AGPS: variants seen among roughly 807,000 people sequenced by gnomAD.
AGPS encodes the protein alkyldihydroxyacetonephosphate synthase, peroxisomal.
AGPS carries 26 observed loss-of-function variants against 90.7 expected under a neutral mutation model. That is an observed-to-expected ratio of 0.29 (90% CI 0.21 to 0.40). AGPS has a LOEUF of 0.40. Ranked by LOEUF, AGPS falls within the 10% of genes least tolerant of loss-of-function variation. The pLI is 1.00. For missense variants in AGPS, 540 were observed against 816.1 expected, an observed-to-expected ratio of 0.66 and a Z score of 4.12; for synonymous variants, 294 against 285.3, an observed-to-expected ratio of 1.03 and a Z score of -0.31.
intron 8 of AGPS, among the ~76,000 whole-genome samples, chr2:177,454,675 G>T (rs1687057823): frequency 6.6e-6 from 1 of 151,794 alleles, no homozygotes; most frequent in Non-Finnish European, 1.5e-5. Flanking sequence ...GAATTTCGAT[G>T]TTTTTCAGTT....
rs933696058 is a variant in AGPS, at chr2:177,509,521, C to T, written c.1607+1490C>T. Among the ~76,000 whole-genome samples the T allele has an allele frequency of 7.9e-5, 12 of 151,928 alleles. 1 individual carries two copies. Among genetic ancestry groups the T allele is most frequent in the African/African-American group, 2.9e-4 (12 of 41,370 alleles). ...CTCTACTGAAAATACAAAAAATTAG[C>T]TGGGCCTGGTGGCGGGCGTCTGTAG... On this transcript the variant is annotated intron_variant, in intron 16 of 19. Transcript: ENST00000264167.
chr2:177,398,711 A>G (rs1359205858), intron 1 of AGPS, among the ~76,000 whole-genome samples: 1 of 152,252 alleles, frequency 6.6e-6, no homozygotes, highest in Non-Finnish European at 1.5e-5. Context: ...TGTACTTAAT[A>G]AATTATAAAA....
intron 1 of AGPS, among the ~76,000 whole-genome samples, chr2:177,410,949 A>G (rs910597423): frequency 3.9e-5 from 6 of 152,168 alleles, no homozygotes; most frequent in Admixed American, 6.5e-5. Context: ...TATTCGGACA[A>G]TCTTTTTTAA....
At chr2:177,471,435 C>T (rs1054392091) in intron 10 of AGPS, among the ~76,000 whole-genome samples, 2 of 152,032 alleles carry the variant, frequency 1.3e-5, no homozygotes, top group African/African-American at 4.8e-5. Context: ...AAGTAGCTTT[C>T]TCCTATTTTA....
At chr2:177,520,749 A>G (rs1689162764) in intron 17 of AGPS, among the ~76,000 whole-genome samples, 1 of 152,236 alleles carries the variant, frequency 6.6e-6, no homozygotes, top group Non-Finnish European at 1.5e-5. Flanking sequence ...TTTATTGTCA[A>G]GATATGTATG....
chr2:177,432,193 T>C (rs183050734), intron 2 of AGPS, among the ~76,000 whole-genome samples: 3 of 152,364 alleles, frequency 2.0e-5, no homozygotes, highest in Non-Finnish European at 2.9e-5. Context: ...AATGATTTCA[T>C]TGGCCTTGAA....
chr2:177,532,018 A>G (rs1574037865), intron 19 of AGPS, among the ~76,000 whole-genome samples: 1 of 152,342 alleles, frequency 6.6e-6, no homozygotes. Flanking sequence ...ACAAAACTAT[A>G]AAACCTTTAG....
At chr2:177,521,188 C>G in intron 17 of AGPS, 81 bp from the exon 18 acceptor site, 1 of 1,151,068 alleles carries the variant, frequency 8.7e-7, no homozygotes, top group East Asian at 2.3e-5. Context: ...TCATTTGGGT[C>G]GTCTTGACTT....
At chr2:177,484,200 A>G (rs1250871529) in intron 11 of AGPS, among the ~76,000 whole-genome samples, 1 of 152,108 alleles carries the variant, frequency 6.6e-6, no homozygotes, top group Non-Finnish European at 1.5e-5. Context: ...TGAACATCCT[A>G]AGAATTTTTT....
Position 177,539,526 on chromosome 2 carries a change from A to C in AGPS, c.*1331A>C, listed in dbSNP as rs947231270. 1 of 152,016 alleles carries C rather than the reference A, an allele frequency of 6.6e-6. No individual in the cohort carries two copies. The highest frequency in any genetic ancestry group is 1.5e-5 in the Non-Finnish European group (1 of 67,910). The allele number at this position is 152,016 out of a possible 1,614,324, so 9.4% of individuals were successfully genotyped here. On this transcript the variant is annotated 3_prime_UTR_variant, in exon 20 of 20. Coordinates refer to ENST00000264167, the MANE Select transcript of AGPS (RefSeq NM_003659.4). ...AACTTTTGATAATTTTTTAAAACTAATATTTGATCAGATAATGTAAGTCAA... is the reference window on the plus strand; with the variant it reads ...AACTTTTGATAATTTTTTAAAACTACTATTTGATCAGATAATGTAAGTCAA...
chr2:177,446,159 T>A (rs1394919188), intron 8 of AGPS, among the ~76,000 whole-genome samples: 1 of 151,998 alleles, frequency 6.6e-6, no homozygotes, highest in Non-Finnish European at 1.5e-5. Context: ...CTTTTTTTTT[T>A]TTTATTTTTT....
At chr2:177,481,279 G>A (rs759331970) in intron 10 of AGPS, among the ~76,000 whole-genome samples, 3 of 151,772 alleles carry the variant, frequency 2.0e-5, no homozygotes, top group Non-Finnish European at 4.4e-5. Context: ...GAAAAGCTTG[G>A]CTTTGTGAAT....
intron 3 of AGPS, among the ~76,000 whole-genome samples, 164 bp from the exon 4 acceptor site, chr2:177,436,600 C>T (rs531436519): frequency 4.9e-4 from 75 of 152,200 alleles, no homozygotes; most frequent in Admixed American, 9.8e-4. Flanking sequence ...ATTTGTTACT[C>T]TCATAAAGCT....
At chr2:177,473,581 A>G (rs912025424) in intron 10 of AGPS, among the ~76,000 whole-genome samples, 4 of 152,222 alleles carry the variant, frequency 2.6e-5, no homozygotes, top group African/African-American at 9.6e-5. Context: ...GGCATAACAT[A>G]CATATAATTA....
intron 19 of AGPS, among the ~76,000 whole-genome samples, chr2:177,526,344 C>A (rs1339761322): frequency 6.6e-6 from 1 of 151,564 alleles, no homozygotes; most frequent in Admixed American, 6.6e-5. Flanking sequence ...ATTCTCATGC[C>A]TCAGCCTTCT....
At chr2:177,435,770 C>T (rs935495627) in intron 3 of AGPS, among the ~76,000 whole-genome samples, 1 of 152,046 alleles carries the variant, frequency 6.6e-6, no homozygotes, top group Non-Finnish European at 1.5e-5. Flanking sequence ...TCCCTCAATC[C>T]CCCGTAGCAG....
At chr2:177,451,095 A>G (rs1326249184) in intron 8 of AGPS, among the ~76,000 whole-genome samples, 1 of 151,518 alleles carries the variant, frequency 6.6e-6, no homozygotes, top group African/African-American at 2.4e-5. Context: ...CCCGGTAGCT[A>G]GGACTACAGG....
At chr2:177,518,653 C>T (rs547018304) in intron 17 of AGPS, among the ~76,000 whole-genome samples, 9 of 148,764 alleles carry the variant, frequency 6.0e-5, no homozygotes, top group African/African-American at 9.9e-5. Context: ...CTTTCCTCTC[C>T]TCTCTTTTTC....
intron 3 of AGPS, among the ~76,000 whole-genome samples, chr2:177,435,875 C>T (rs1353433638): frequency 6.6e-6 from 1 of 152,152 alleles, no homozygotes; most frequent in Non-Finnish European, 1.5e-5. Context: ...ACCTGCCTTC[C>T]TTATAGTAGC....
Sources: allele counts gnomAD v4.1 joint callset (sites outside exome capture counted in the v4.1 genomes callset), GRCh38; gene constraint gnomAD v4.1.1; transcripts MANE v1.5; gene names NCBI Gene and HGNC (gene_info 2026-07-23, HGNC 2026-07-21).